Variants in FZD6 observed in about 807,000 individuals in gnomAD.
The protein encoded by FZD6 is frizzled-6.
FZD6 carries 49 observed loss-of-function variants against 61.4 expected under a neutral mutation model. The ratio of observed to expected loss-of-function variants is 0.80; its 90% CI spans 0.63 to 1.01. FZD6 has a LOEUF of 1.01. FZD6 is among the 50% of genes least tolerant of loss of function. FZD6 has a pLI of 0.00. For synonymous variants in FZD6, 265 were observed against 292.2 expected (o/e 0.91, Z 0.95); for missense variants, 724 against 848.2 (o/e 0.85, Z 1.82).
Position 103,324,847 on chromosome 8 carries a change from G to A in FZD6, c.741G>A (p.Met247Ile), listed in dbSNP as rs1814895957. 1 of 1,613,872 alleles carries A rather than the reference G, an allele frequency of 6.2e-7. No individual in the cohort carries two copies. The highest frequency in any genetic ancestry group is 1.3e-5 in the African/African-American group (1 of 75,060). ...TCTGTTACAGCATTGTATCTCTTAT[G>A]TACTTCATTGGATTTTTGCTAGGCG... ...YSVCYSIVSL[M>I]YFIGFLLGDS... The change falls in exon 4 of 7, where the codon ATG becomes ATA. Residue 247 changes from methionine to isoleucine, a missense_variant. Met to Ile is a conservative substitution (Grantham distance 10, BLOSUM62 1). Transcript: ENST00000358755.
chr8:103,300,250 A>T lies in FZD6; in HGVS notation c.143A>T (p.His48Leu), dbSNP rs777814122. Residue 48 changes from histidine (H) to leucine (L), a missense_variant, in exon 2 of 7, where the codon CAT becomes CTT. Transcript: ENST00000358755. ...NMTFFPNLMG[H>L]YDQSIAAVEM... is the part of the protein sequence containing the mutation. ...ACGTTTTTCCCTAATCTGATGGGTC[A>T]TTATGACCAGAGTATTGCCGCGGTG... 1.2e-6 allele frequency: 2 copies of T among 1,612,662 alleles called. No homozygotes were observed. Among genetic ancestry groups the T allele is most frequent in the South Asian group, 1.1e-5 (1 of 91,062 alleles).
At chr8:103,327,883 TATG>T (rs1262717647) in intron 4 of FZD6, among the ~76,000 whole-genome samples, 3 of 152,102 alleles carry the variant, frequency 2.0e-5, no homozygotes, top group Admixed American at 6.5e-5. Flanking sequence ...AAATATTTGT[TATG>T]ATGAGTTTAA....
At chr8:103,320,277 G>C (rs1373348727) in intron 3 of FZD6, among the ~76,000 whole-genome samples, 11 of 152,180 alleles carry the variant, frequency 7.2e-5, no homozygotes, top group Admixed American at 7.2e-4. Flanking sequence ...GTCAATTAGA[G>C]AGGCTTCGTA....
rs1052734716 is a variant in FZD6, at chr8:103,332,000, C to G, written c.*491C>G. The G allele has an allele frequency of 2.6e-5, 4 of 155,072 alleles. No individual in the cohort carries two copies. The highest frequency in any genetic ancestry group is 9.7e-5 in the African/African-American group (4 of 41,426). The allele number at this position is 155,072 out of a possible 1,614,324, so 9.6% of individuals were successfully genotyped here. ...TTGTGATATTTTAGCACTTTGGTAG[C>G]TTTTACACTGAATTTCTAAGAAAAT... On this transcript the variant is annotated 3_prime_UTR_variant, in exon 7 of 7. Transcript: ENST00000358755.
chr8:103,302,037 GT>G (rs35899322), intron 2 of FZD6, among the ~76,000 whole-genome samples: 49,092 of 147,850 alleles, frequency 0.33, 8,584 homozygotes, highest in Middle Eastern at 0.49. Flanking sequence ...TACTAATGAA[GT>G]TTTTTTTTTT....
chr8:103,309,660 T>C (rs1814440489), intron 2 of FZD6, among the ~76,000 whole-genome samples: 1 of 152,208 alleles, frequency 6.6e-6, no homozygotes, highest in Non-Finnish European at 1.5e-5. Context: ...AATACAGCTA[T>C]TTTAGGTGTA....
chr8:103,330,911 C>T (rs1815100640), intron 6 of FZD6, among the ~76,000 whole-genome samples: 1 of 152,204 alleles, frequency 6.6e-6, no homozygotes, highest in Non-Finnish European at 1.5e-5. Context: ...GGCACGGTGG[C>T]TCACGCCTGT....
intron 3 of FZD6, among the ~76,000 whole-genome samples, chr8:103,324,075 A>C (rs1230275785): frequency 3.9e-5 from 6 of 152,362 alleles, no homozygotes; most frequent in African/African-American, 1.4e-4. Context: ...TAGACAAGAT[A>C]TATTTCATAT....
chr8:103,303,212 C>A (rs1814221624), intron 2 of FZD6, among the ~76,000 whole-genome samples: 1 of 152,202 alleles, frequency 6.6e-6, no homozygotes, highest in African/African-American at 2.4e-5. Context: ...CACTCTGCTT[C>A]AGCCAACTGA....
chr8:103,324,784 A>G lies in FZD6; in HGVS notation c.678A>G (p.Arg226=). ...TFLTFLIDVR[R]FRYPERPIIY... Reference sequence around the variant, plus strand: ...TTACTTTTTTAATTGATGTTAGAAGATTCAGATACCCAGAGAGACCAATTA... The same window carrying G: ...TTACTTTTTTAATTGATGTTAGAAGGTTCAGATACCCAGAGAGACCAATTA... The change falls in exon 4 of 7, where the codon AGA becomes AGG. Residue 226 remains arginine (R), a synonymous_variant. Transcript: ENST00000358755. 1 of 1,613,418 alleles carries G rather than the reference A, an allele frequency of 6.2e-7. No homozygotes were observed. Among genetic ancestry groups the G allele is most frequent in the South Asian group, 1.1e-5 (1 of 91,070 alleles).
At chr8:103,320,365 A>G (rs1467291015) in intron 3 of FZD6, among the ~76,000 whole-genome samples, 2 of 152,066 alleles carry the variant, frequency 1.3e-5, no homozygotes, top group Non-Finnish European at 2.9e-5. Context: ...CTGTGGTGGG[A>G]TGCTTGGGGC....
chr8:103,300,310 G>C, intron 2 of FZD6, 26 bp downstream of exon 2: 1 of 1,472,464 alleles, frequency 6.8e-7, no homozygotes, highest in African/African-American at 1.4e-5. Context: ...TACGTTTATT[G>C]AATAGTAGTT....
Position 103,325,440 on chromosome 8 carries a change from G to A in FZD6, c.1334G>A (p.Trp445Ter). The A allele has an allele frequency of 6.2e-7, 1 of 1,613,674 alleles. No individual in the cohort carries two copies. Among genetic ancestry groups the A allele is most frequent in the Non-Finnish European group, 8.5e-7 (1 of 1,179,636 alleles). Residue 445 changes from tryptophan to a stop codon, truncating the protein, a stop_gained, in exon 4 of 7, where the codon TGG (tryptophan) becomes TAG (stop). Coordinates refer to ENST00000358755, the MANE Select transcript of FZD6 (RefSeq NM_003506.4). LOFTEE classifies it high-confidence loss of function. ...TATGAGCAAGTGAACAGGATTACCT[G>A]GGAGATAACTTGGGTCTCTGATCAT... ...YVYEQVNRIT[W>*]EITWVSDHCR...
At chr8:103,317,194 ACT>A (rs962598273) in intron 2 of FZD6, among the ~76,000 whole-genome samples, 1 of 152,186 alleles carries the variant, frequency 6.6e-6, no homozygotes, top group African/African-American at 2.4e-5. Flanking sequence ...AAGTGCAAAG[ACT>A]CTGAGACAGA....
chr8:103,327,885 T>C (rs1814999280), intron 4 of FZD6, among the ~76,000 whole-genome samples: 1 of 152,124 alleles, frequency 6.6e-6, no homozygotes, highest in Non-Finnish European at 1.5e-5. Context: ...ATATTTGTTA[T>C]GATGAGTTTA....
chr8:103,300,988 G>C (rs1446341006), intron 2 of FZD6, among the ~76,000 whole-genome samples: 1 of 152,174 alleles, frequency 6.6e-6, no homozygotes, highest in African/African-American at 2.4e-5. Flanking sequence ...TTCCCATACA[G>C]ATTTGTTAGG....
Position 103,324,987 on chromosome 8 carries a change from T to C in FZD6, c.881T>C (p.Met294Thr), listed in dbSNP as rs1234072800. ...VLFMLLYFFT[M>T]AGTVWWVILT... ...TTCATGCTTTTGTATTTTTTCACAA[T>C]GGCTGGCACTGTGTGGTGGGTGATT... is the stretch of plus-strand genomic sequence containing the variant. Residue 294 changes from methionine to threonine, a missense_variant, in exon 4 of 7, where the codon ATG becomes ACG. By Grantham distance (81) the Met-to-Thr change is moderately conservative (BLOSUM62 -1). Coordinates refer to ENST00000358755, the MANE Select transcript of FZD6 (RefSeq NM_003506.4). 1 of 1,614,180 alleles carries C rather than the reference T, an allele frequency of 6.2e-7. No homozygotes were observed. The highest frequency in any genetic ancestry group is 8.5e-7 in the Non-Finnish European group (1 of 1,180,028).
chr8:103,306,120 T>C (rs564887562), intron 2 of FZD6, among the ~76,000 whole-genome samples: 1 of 152,358 alleles, frequency 6.6e-6, no homozygotes, highest in Admixed American at 6.5e-5. Context: ...TATGTACATT[T>C]GTCTAATTTC....
rs1274883789 is a variant in FZD6, at chr8:103,331,627, C to G, written c.*118C>G. The G allele has an allele frequency of 5.4e-6, 4 of 737,298 alleles. No homozygotes were observed. The highest frequency in any genetic ancestry group is 5.2e-5 in the African/African-American group (3 of 57,724). 45.7% of individuals were successfully genotyped at this position (737,298 alleles called of 1,614,324 possible). ...TTTGCACTTAAAGTTGCATTGCCTA[C>G]TGTTATACTGGAAAAAATAGAGTTC... On this transcript the variant is annotated 3_prime_UTR_variant, in exon 7 of 7. Coordinates refer to ENST00000358755, the MANE Select transcript of FZD6 (RefSeq NM_003506.4).
Sources: allele counts gnomAD v4.1 joint callset (sites outside exome capture counted in the v4.1 genomes callset), GRCh38; gene constraint gnomAD v4.1.1; transcripts MANE v1.5; gene names NCBI Gene and HGNC (gene_info 2026-07-23, HGNC 2026-07-21).